ABCA6: variants seen among roughly 807,000 people sequenced by gnomAD.
The protein encoded by ABCA6 is ATP-binding cassette sub-family A member 6.
ABCA6 carries 164 observed loss-of-function variants against 191.2 expected under a neutral mutation model. That is an observed-to-expected ratio of 0.86 (90% CI 0.76 to 0.98). ABCA6 has a LOEUF of 0.98. Among genes scored for constraint, ABCA6 ranks in the 50% least tolerant of loss-of-function variants. The pLI is 0.00. For synonymous variants in ABCA6, 636 were observed against 647.7 expected, an observed-to-expected ratio of 0.98 and a Z score of 0.27; for missense variants, 1,958 against 1,894.1, an observed-to-expected ratio of 1.03 and a Z score of -0.63.
At position 69,084,351 on chromosome 17, in the gene ABCA6, C is replaced by T. The variant is rs2072718505; in HGVS notation, c.4265G>A (p.Cys1422Tyr). The T allele has an allele frequency of 1.9e-6, 3 of 1,614,036 alleles. No homozygotes were observed. The highest frequency in any genetic ancestry group is 2.5e-6 in the Non-Finnish European group (3 of 1,180,024). ...KLTAGITRKLCFVLSLLGNSP... is the reference protein window; with the variant it reads ...KLTAGITRKLYFVLSLLGNSP... ...GTTTCCCAGGAGGCTCAGCACAAAA[C>T]ACAACTGCAATGTAGAAAAACACCC... Residue 1422 changes from cysteine to tyrosine, a missense_variant, in exon 34 of 39, where the codon TGT becomes TAT. By Grantham distance (194) the Cys-to-Tyr change is radical. Transcript: ENST00000284425.
At chr17:69,124,822 T>C (rs912766998) in intron 9 of ABCA6, 66 bp downstream of exon 9, 6 of 904,800 alleles carry the variant, frequency 6.6e-6, no homozygotes, top group Non-Finnish European at 7.9e-6. Flanking sequence ...GTCTATATAA[T>C]CTTAAAAAAT....
At position 69,085,115 on chromosome 17, in the gene ABCA6, C is replaced by A; in HGVS notation, c.4097G>T (p.Trp1366Leu). ...LGYCPQENVLWPMLTLREHLE... is the reference protein window; with the variant it reads ...LGYCPQENVLLPMLTLREHLE... ...GTGTTCCCTCAACGTCAGCATGGGC[C>A]ACAGCACGTTCTCTTGAGGGCAGTA... Residue 1366 changes from tryptophan to leucine, a missense_variant, in exon 32 of 39, where the codon TGG becomes TTG. Physicochemically the swap from Trp to Leu is moderately conservative, Grantham distance 61. Transcript: ENST00000284425. 1 of 1,613,446 alleles carries A rather than the reference C, an allele frequency of 6.2e-7. No individual in the cohort carries two copies. The highest frequency in any genetic ancestry group is 8.5e-7 in the Non-Finnish European group (1 of 1,179,718).
At chr17:69,116,322 A>G (rs9914407) in intron 11 of ABCA6, among the ~76,000 whole-genome samples, 15,127 of 152,114 alleles carry the variant, frequency 0.099, 2,569 homozygotes, top group African/African-American at 0.35. Context: ...GTACATGTAA[A>G]TCACTTAGCA....
At chr17:69,107,617 C>G (rs1390263763) in intron 18 of ABCA6, 79 bp downstream of exon 18, 1 of 989,806 alleles carries the variant, frequency 1.0e-6, no homozygotes. Flanking sequence ...TGTGAATCAC[C>G]CATAAGAAAT....
chr17:69,125,559 T>G (rs1042822742), intron 8 of ABCA6, among the ~76,000 whole-genome samples: 1 of 152,102 alleles, frequency 6.6e-6, no homozygotes, highest in South Asian at 2.1e-4. Context: ...CAATAAGGCT[T>G]ATAAAAATAA....
chr17:69,105,426 CTT>C, intron 20 of ABCA6, 34 bp downstream of exon 20: 1 of 1,515,286 alleles, frequency 6.6e-7, no homozygotes, highest in Non-Finnish European at 9.0e-7. Flanking sequence ...ATAAAAATAA[CTT>C]ATTTCTGGAT....
chr17:69,107,633 A>G (rs2073333011), intron 18 of ABCA6, 63 bp downstream of exon 18: 4 of 1,144,472 alleles, frequency 3.5e-6, no homozygotes, highest in East Asian at 2.4e-5. Flanking sequence ...GAAATTATAA[A>G]TACTAAATTG....
rs191793801 is a variant in ABCA6, at chr17:69,126,088, T to C, written c.1120-1053A>G. On this transcript the variant is annotated intron_variant, in intron 8 of 38. Coordinates refer to ENST00000284425, the MANE Select transcript of ABCA6 (RefSeq NM_080284.3). ...GAAAAAGAAATAAAAAGCATAAGGA[T>C]TGCGATGGGAAAAATATAAGCCATC... Among the ~76,000 whole-genome samples the C allele has an allele frequency of 2.0e-3, 300 of 152,010 alleles. 2 individuals are homozygous for C. Among genetic ancestry groups the C allele is most frequent in the African/African-American group, 6.6e-3 (272 of 41,452 alleles).
Position 69,100,728 on chromosome 17 carries a change from C to G in ABCA6, c.3012+69G>C, listed in dbSNP as rs1039798135. ...ACAATCACTTATGGATATTTAAAAG[C>G]TAAAGAGAGAAAACATAGGCTATTT... On this transcript the variant is annotated intron_variant, in intron 22 of 38. Coordinates refer to ENST00000284425, the MANE Select transcript of ABCA6 (RefSeq NM_080284.3). 1.8e-5 allele frequency: 26 copies of G among 1,430,960 alleles called. No homozygotes were observed. The African/African-American group carries it at 3.5e-4, about 19-fold the overall frequency. The allele number at this position is 1,430,960 out of a possible 1,614,324, so 88.6% of individuals were successfully genotyped here. A position where few individuals can be genotyped will look rare whatever the true frequency, so the allele number is the denominator to read the frequency against.
intron 27 of ABCA6, among the ~76,000 whole-genome samples, chr17:69,089,022 C>T (rs563406464): frequency 3.3e-5 from 5 of 152,260 alleles, no homozygotes; most frequent in African/African-American, 4.8e-5. Flanking sequence ...GGGCAGGGAC[C>T]GCTGTCTTTA....
chr17:69,087,254 A>G lies in ABCA6; in HGVS notation c.3819+99T>C, dbSNP rs2072821064. 2.7e-6 allele frequency: 4 copies of G among 1,487,042 alleles called. No individual in the cohort carries two copies. In the East Asian group the frequency reaches 9.1e-5, roughly 34 times the overall value. 92.1% of individuals were successfully genotyped at this position (1,487,042 alleles called of 1,614,324 possible). A position where few individuals can be genotyped will look rare whatever the true frequency, so the allele number is the denominator to read the frequency against. On this transcript the variant is annotated intron_variant, in intron 29 of 38. Coordinates refer to ENST00000284425, the MANE Select transcript of ABCA6 (RefSeq NM_080284.3). ...GGACGCATAATACAGAAATGCACCA[A>G]ACTCCAAACTCTCAAAATGAAACCC... is the stretch of plus-strand genomic sequence containing the variant.
chr17:69,089,530 G>T lies in ABCA6; in HGVS notation c.3541C>A (p.His1181Asn), dbSNP rs1232458315. ...TTTGCCTCTGGAAATTCTCTGTAGT[G>T]CTCCTGGTCTCTCTGAAAAGACAAA... Reference protein sequence around the residue: ...KTFLEVRDQEHYREFPEANFE... With the variant: ...KTFLEVRDQENYREFPEANFE... The change falls in exon 27 of 39, where the codon CAC becomes AAC. Residue 1181 changes from histidine to asparagine, a missense_variant. His to Asn is a moderately conservative substitution (Grantham distance 68, BLOSUM62 1). Transcript: ENST00000284425. The T allele has an allele frequency of 1.9e-6, 3 of 1,613,052 alleles. No homozygotes were observed. The highest frequency in any genetic ancestry group is 2.7e-5 in the African/African-American group (2 of 75,002).
At chr17:69,079,172 A>G (rs1232110594) in intron 38 of ABCA6, 38 bp downstream of exon 38, 1 of 1,597,558 alleles carries the variant, frequency 6.3e-7, no homozygotes, top group South Asian at 1.1e-5. Context: ...TTCATGTGAA[A>G]TTTACCAGAT....
chr17:69,125,680 G>A lies in ABCA6; in HGVS notation c.1120-645C>T, dbSNP rs1385522932. Among the ~76,000 whole-genome samples the A allele has an allele frequency of 1.4e-4, 22 of 152,044 alleles. 1 individual carries two copies. The highest frequency in any genetic ancestry group is 1.4e-3 in the Admixed American group (22 of 15,248). ...AAAGAAAGTCTTACTCTTAGGGCCAGTTCCTTACCCTGCACACTCTACAGC... is the reference window on the plus strand; with the variant it reads ...AAAGAAAGTCTTACTCTTAGGGCCAATTCCTTACCCTGCACACTCTACAGC... On this transcript the variant is annotated intron_variant, in intron 8 of 38. Coordinates refer to ENST00000284425, the MANE Select transcript of ABCA6 (RefSeq NM_080284.3).
In ABCA6 at chr17:69,107,839, C is replaced by T. The variant is rs748471739; in HGVS notation, c.2273-27G>A. On this transcript the variant is annotated intron_variant, in intron 17 of 38. Transcript: ENST00000284425. The stretch of plus-strand genomic sequence containing the variant: ...TAAGGCAAAAAAATATGAATAGATA[C>T]TTTGGAAAACCACATTGAGAACTAA... The T allele has an allele frequency of 2.1e-5, 28 of 1,337,932 alleles. No individual in the cohort carries two copies. In the South Asian group the frequency reaches 2.2e-4, roughly 10 times the overall value. The allele number at this position is 1,337,932 out of a possible 1,614,324, so 82.9% of individuals were successfully genotyped here.
intron 20 of ABCA6, 47 bp from the exon 21 acceptor site, chr17:69,103,015 C>G: frequency 8.4e-7 from 1 of 1,187,128 alleles, no homozygotes; most frequent in South Asian, 1.4e-5. Flanking sequence ...TAAGAAAATA[C>G]ATATCAAACT....
chr17:69,087,918 C>T lies in ABCA6; in HGVS notation c.3698+249G>A, dbSNP rs143856581. On this transcript the variant is annotated intron_variant, in intron 28 of 38. Coordinates refer to ENST00000284425, the MANE Select transcript of ABCA6 (RefSeq NM_080284.3). ...TTCAAGGATGCACAATTATCTCAGA[C>T]GAGAGAATGGCATATTTGGGTCCTT... Among the ~76,000 whole-genome samples, 324 of 152,258 alleles carry T rather than the reference C, an allele frequency of 2.1e-3. 1 individual carries two copies. The highest frequency in any genetic ancestry group is 7.4e-3 in the African/African-American group (306 of 41,534).
At chr17:69,097,886 C>A in intron 23 of ABCA6, 34 bp downstream of exon 23, 1 of 1,472,772 alleles carries the variant, frequency 6.8e-7, no homozygotes, top group Non-Finnish European at 9.2e-7. Context: ...TATTGAAATT[C>A]CTGAAATTTC....
Position 69,087,481 on chromosome 17 carries a change from G to C in ABCA6, c.3699-8C>G. 6.2e-7 allele frequency: 1 copy of C among 1,613,190 alleles called. No individual in the cohort carries two copies. Among genetic ancestry groups the C allele is most frequent in the Non-Finnish European group, 8.5e-7 (1 of 1,179,650 alleles). Reference sequence around the variant, plus strand: ...CTACTTTGGGGGGAAATTCTATGGAGAAAATGAAATGTGTTACATGTGGTA... The same window carrying C: ...CTACTTTGGGGGGAAATTCTATGGACAAAATGAAATGTGTTACATGTGGTA... On this transcript the variant is annotated splice_polypyrimidine_tract_variant and splice_region_variant and intron_variant, in intron 28 of 38. Transcript: ENST00000284425.
Sources: allele counts gnomAD v4.1 joint callset (sites outside exome capture counted in the v4.1 genomes callset), GRCh38; gene constraint gnomAD v4.1.1; transcripts MANE v1.5; gene names NCBI Gene and HGNC (gene_info 2026-07-23, HGNC 2026-07-21).